RBFOX1: variants seen among roughly 807,000 people sequenced by gnomAD.
RBFOX1 encodes the protein RNA binding fox-1 homolog 1.
RBFOX1 carries 8 observed loss-of-function variants against 57.7 expected under a neutral mutation model. The observed-to-expected ratio is 0.14, with a 90% CI of 0.08 to 0.25. The LOEUF (loss-of-function observed/expected upper bound fraction) is 0.25, where lower values mean the gene tolerates loss of function less well. Ranked by LOEUF, RBFOX1 falls within the 10% of genes least tolerant of loss-of-function variation. The pLI, the probability that RBFOX1 is intolerant of heterozygous loss-of-function variation, is 1.00. For synonymous variants in RBFOX1, 326 were observed against 222.4 expected (o/e 1.47, Z -4.15); for missense variants, 611 against 548.5 (o/e 1.11, Z -1.14).
intron 3 of RBFOX1, among the ~76,000 whole-genome samples, chr16:6,843,449 G>A (rs1050142750): frequency 6.6e-6 from 1 of 152,154 alleles, no homozygotes; most frequent in Non-Finnish European, 1.5e-5. Flanking sequence ...AGTACTTTGG[G>A]AGGCTGAGGC....
intron 4 of RBFOX1, among the ~76,000 whole-genome samples, chr16:7,482,608 C>G (rs910925105): frequency 7.9e-6 from 1 of 126,352 alleles, no homozygotes; most frequent in Non-Finnish European, 1.6e-5. Flanking sequence ...CTCGGGTACA[C>G]AAATTCTGGA....
intron 2 of RBFOX1, chr16:6,573,925 A>T (rs1227742056): frequency 6.6e-6 from 1 of 152,226 alleles, no homozygotes; most frequent in Non-Finnish European, 1.5e-5. Flanking sequence ...GAAGACAGGC[A>T]AGCCATACTG....
rs553722952 is a variant in RBFOX1 at position 6,371,666 on chromosome 16, G to A, written c.-64+54609G>A. 2.6e-5 allele frequency among the ~76,000 whole-genome samples: 4 copies of A among 152,158 alleles called. No homozygotes were observed. The South Asian group carries it at 8.3e-4, about 32-fold the overall frequency. ...GTAATCCTTCCTTTGATTGGAGAGT[G>A]GTGTTTAGAAACAAAGTTCTGGGCG... On this transcript the variant is annotated intron_variant, in intron 2 of 15. Coordinates refer to ENST00000550418, the MANE Select transcript of RBFOX1 (RefSeq NM_018723.4).
intron 3 of RBFOX1, among the ~76,000 whole-genome samples, chr16:5,643,124 T>C (rs1426431768): frequency 1.3e-5 from 2 of 152,116 alleles, no homozygotes; most frequent in East Asian, 3.9e-4. Context: ...GCAGCCAGCC[T>C]CTAGGCAGAT....
At chr16:5,310,382 C>T (rs2064054161) in intron 1 of RBFOX1, among the ~76,000 whole-genome samples, 1 of 151,638 alleles carries the variant, frequency 6.6e-6, no homozygotes, top group South Asian at 2.1e-4. Flanking sequence ...CCCTGGGTGA[C>T]AGAGCCAGAC....
intron 1 of RBFOX1, among the ~76,000 whole-genome samples, chr16:6,207,061 C>A (rs1285545528): frequency 6.6e-6 from 1 of 150,720 alleles, no homozygotes; most frequent in East Asian, 1.9e-4. Context: ...TTTGGAGTTG[C>A]TGAGAAGTTT....
Position 6,516,334 on chromosome 16 carries a change from C to T in RBFOX1, c.-63-138269C>T, listed in dbSNP as rs142612781. ...TGTGTGAGTTTAGATAAGCTGCTAT[C>T]TAATCCTCAGTTTCTTCATCTGTAA... is the stretch of plus-strand genomic sequence containing the variant. On this transcript the variant is annotated intron_variant, in intron 2 of 15. Coordinates refer to ENST00000550418, the MANE Select transcript of RBFOX1 (RefSeq NM_018723.4). Among the ~76,000 whole-genome samples, 290 of 152,318 alleles carry T rather than the reference C, an allele frequency of 1.9e-3. 2 individuals are homozygous for T. Among genetic ancestry groups the T allele is most frequent in the African/African-American group, 6.6e-3 (276 of 41,570 alleles).
At chr16:6,868,465 A>G (rs540558774) in intron 3 of RBFOX1, among the ~76,000 whole-genome samples, 2 of 148,766 alleles carry the variant, frequency 1.3e-5, no homozygotes, top group African/African-American at 5.0e-5. Context: ...CCAGTGTTTC[A>G]TATTTATTGG....
At chr16:6,787,712 C>G (rs1180455485) in intron 3 of RBFOX1, among the ~76,000 whole-genome samples, 1 of 152,142 alleles carries the variant, frequency 6.6e-6, no homozygotes, top group African/African-American at 2.4e-5. Context: ...ATTGATTACT[C>G]TAAACCAAGC....
At chr16:6,799,464 T>C (rs1019294729) in intron 3 of RBFOX1, among the ~76,000 whole-genome samples, 7 of 152,158 alleles carry the variant, frequency 4.6e-5, no homozygotes, top group African/African-American at 1.7e-4. Context: ...GAGCCATTCA[T>C]GATGGTTAAT....
chr16:7,003,569 G>A (rs1233650373), intron 3 of RBFOX1, among the ~76,000 whole-genome samples: 1 of 152,004 alleles, frequency 6.6e-6, no homozygotes, highest in African/African-American at 2.4e-5. Flanking sequence ...TAAAACCAGA[G>A]GTTGAAACAA....
chr16:7,016,442 C>T (rs1013239693), intron 3 of RBFOX1, among the ~76,000 whole-genome samples: 1 of 152,148 alleles, frequency 6.6e-6, no homozygotes, highest in South Asian at 2.1e-4. Context: ...AATCTGGGCT[C>T]ATGTTTCTCA....
intron 1 of RBFOX1, among the ~76,000 whole-genome samples, chr16:6,083,378 C>G (rs140185583): frequency 9.8e-5 from 15 of 152,316 alleles, no homozygotes; most frequent in East Asian, 7.7e-4. Flanking sequence ...CAGAAGATCC[C>G]TCATATTTAA....
At chr16:6,487,697 AAAAATATATATATATATATATATATATAT>A (rs1289110899) in intron 2 of RBFOX1, among the ~76,000 whole-genome samples, 1 of 5,284 alleles carries the variant, frequency 1.9e-4, no homozygotes, top group Non-Finnish European at 4.0e-4. Flanking sequence ...AAAAAAAAAA[AAAAATATATATATATATATATATATATAT>A]ATATATATAT....
At chr16:6,770,292 C>A (rs948975855) in intron 3 of RBFOX1, among the ~76,000 whole-genome samples, 1 of 152,150 alleles carries the variant, frequency 6.6e-6, no homozygotes, top group Non-Finnish European at 1.5e-5. Context: ...TTGACCAAAT[C>A]CAGTAGCAAT....
At chr16:7,251,441 G>C (rs1353321176) in intron 4 of RBFOX1, among the ~76,000 whole-genome samples, 2 of 102,562 alleles carry the variant, frequency 2.0e-5, no homozygotes, top group African/African-American at 4.1e-5. Context: ...ATGGAGTTTT[G>C]TTCTTGTTGC....
chr16:7,038,750 G>A (rs1419254563), intron 3 of RBFOX1, among the ~76,000 whole-genome samples: 2 of 152,128 alleles, frequency 1.3e-5, no homozygotes, highest in African/African-American at 2.4e-5. Flanking sequence ...GCCATGTCTT[G>A]CTCAATGTTT....
intron 3 of RBFOX1, among the ~76,000 whole-genome samples, chr16:5,629,961 C>T (rs539977337): frequency 1.8e-4 from 28 of 152,138 alleles, no homozygotes; most frequent in South Asian, 1.0e-3. Flanking sequence ...AGGAGAGCTC[C>T]GTGCCTGGTG....
rs78176844 is a variant in RBFOX1, at chr16:6,895,401, C to G, written c.-15-156656C>G. ...TTACCCTCTTCGTCTGCCTCAGCCA[C>G]TAGTTGTTAGTAATATATGTGTGTG... On this transcript the variant is annotated intron_variant, in intron 3 of 15. Coordinates refer to ENST00000550418, the MANE Select transcript of RBFOX1 (RefSeq NM_018723.4). 1.4e-3 allele frequency among the ~76,000 whole-genome samples: 198 copies of G among 143,770 alleles called. 6 individuals are homozygous for G. The East Asian group carries it at 0.035, about 25-fold the overall frequency. 94.3% of individuals were successfully genotyped at this position (143,770 alleles called of 152,430 possible). A position where few individuals can be genotyped will look rare whatever the true frequency, so the allele number is the denominator to read the frequency against.
Sources: gnomAD v4.1 joint callset for allele counts (sites outside exome capture counted in the v4.1 genomes callset) on GRCh38, gnomAD v4.1.1 for gene constraint, MANE v1.5 for transcripts, NCBI Gene and HGNC (gene_info 2026-07-23, HGNC 2026-07-21) for gene names.